Variants in APBB2 observed in about 807,000 individuals in gnomAD.
APBB2 encodes amyloid beta precursor protein binding family B member 2.
Under a neutral mutation model 82.5 loss-of-function variants are expected in APBB2, and 38 were observed. The ratio of observed to expected loss-of-function variants is 0.46; its 90% confidence interval spans 0.36 to 0.60. The LOEUF (loss-of-function observed/expected upper bound fraction) is 0.60. APBB2 is among the 20% of genes least tolerant of loss of function. The probability of loss-of-function intolerance (pLI) is 0.00; values close to 1 mark genes in which losing one functional copy is unlikely to be tolerated. For synonymous variants in APBB2, 341 were observed against 368.2 expected (o/e 0.93, Z 0.85); for missense variants, 772 against 972.3 (o/e 0.79, Z 2.74).
intron 4 of APBB2, among the ~76,000 whole-genome samples, chr4:41,040,199 A>C (rs1720818492): frequency 6.6e-6 from 1 of 152,128 alleles, no homozygotes; most frequent in Non-Finnish European, 1.5e-5. Context: ...TGCTCTCGAA[A>C]ATCTACAGGA....
intron 12 of APBB2, among the ~76,000 whole-genome samples, chr4:40,870,296 AGAGG>A (rs1765127123): frequency 6.6e-6 from 1 of 152,306 alleles, no homozygotes; most frequent in African/African-American, 2.4e-5. Context: ...GGGGCAGCGC[AGAGG>A]GAGGGACAAC....
chr4:41,202,378 T>C (rs6835127), intron 1 of APBB2, among the ~76,000 whole-genome samples: 76,570 of 152,000 alleles, frequency 0.5, 20,289 homozygotes, highest in African/African-American at 0.67. Context: ...CCCAATTAGT[T>C]TGCTTAAAGA....
intron 10 of APBB2, among the ~76,000 whole-genome samples, chr4:40,930,552 G>A (rs569057044): frequency 5.3e-4 from 80 of 151,956 alleles, no homozygotes; most frequent in Admixed American, 1.4e-3. Context: ...AACTGATTAA[G>A]GTGCCCAGAT....
intron 12 of APBB2, among the ~76,000 whole-genome samples, chr4:40,833,089 T>C (rs865812930): frequency 5.3e-5 from 8 of 152,182 alleles, no homozygotes; most frequent in Non-Finnish European, 7.4e-5. Context: ...ACATCCCTTT[T>C]GGAGATCACA....
chr4:41,026,501 G>A (rs747321660), intron 5 of APBB2, among the ~76,000 whole-genome samples: 1 of 152,052 alleles, frequency 6.6e-6, no homozygotes, highest in Admixed American at 6.6e-5. Context: ...CGACCCATTC[G>A]TCCCTCCCTC....
At chr4:40,957,632 G>C (rs921710928) in intron 6 of APBB2, among the ~76,000 whole-genome samples, 1 of 150,706 alleles carries the variant, frequency 6.6e-6, no homozygotes, top group Non-Finnish European at 1.5e-5. Flanking sequence ...TGCCCCGGCT[G>C]GAGTGCAATG....
chr4:40,923,824 C>T (rs953114015), intron 10 of APBB2, among the ~76,000 whole-genome samples: 1 of 152,230 alleles, frequency 6.6e-6, no homozygotes, highest in Non-Finnish European at 1.5e-5. Flanking sequence ...GCCAATTCCT[C>T]GACCGCTCAT....
chr4:40,830,222 A>ATG (rs1751410547), intron 13 of APBB2, among the ~76,000 whole-genome samples: 1 of 151,998 alleles, frequency 6.6e-6, no homozygotes, highest in East Asian at 1.9e-4. Context: ...ATATATATAT[A>ATG]TATATGTTTC....
chr4:41,045,245 C>G (rs1341222879), intron 4 of APBB2, among the ~76,000 whole-genome samples: 1 of 151,706 alleles, frequency 6.6e-6, no homozygotes, highest in East Asian at 1.9e-4. Flanking sequence ...TTGTAATAAT[C>G]TCTTTTAATT....
At chr4:41,085,793 C>T (rs1312899065) in intron 3 of APBB2, among the ~76,000 whole-genome samples, 2 of 150,272 alleles carry the variant, frequency 1.3e-5, no homozygotes, top group African/African-American at 4.9e-5. Context: ...TGCCAAACTA[C>T]AAAAACAAAA....
chr4:40,846,430 A>G (rs1757686092), intron 12 of APBB2, among the ~76,000 whole-genome samples: 1 of 151,618 alleles, frequency 6.6e-6, no homozygotes, highest in Non-Finnish European at 1.5e-5. Flanking sequence ...ACTCAATCCC[A>G]GGTCCCTTTA....
chr4:41,104,209 G>A (rs1352762022), intron 2 of APBB2, among the ~76,000 whole-genome samples: 4 of 152,216 alleles, frequency 2.6e-5, no homozygotes, highest in Non-Finnish European at 5.9e-5. Flanking sequence ...AGAAAAGAGA[G>A]ATTGGTCTTT....
chr4:41,159,218 CT>C (rs1453293925), intron 1 of APBB2, among the ~76,000 whole-genome samples: 3 of 152,184 alleles, frequency 2.0e-5, no homozygotes, highest in Admixed American at 2.0e-4. Flanking sequence ...TTAAATCGAC[CT>C]TTCCCTTTCT....
chr4:40,958,773 T>C (rs992157257), intron 6 of APBB2, among the ~76,000 whole-genome samples: 5 of 152,280 alleles, frequency 3.3e-5, no homozygotes, highest in Non-Finnish European at 5.9e-5. Flanking sequence ...GCCCAGCTGA[T>C]TTTTAAATTT....
chr4:40,850,495 C>T (rs541820273), intron 12 of APBB2, among the ~76,000 whole-genome samples: 1 of 152,314 alleles, frequency 6.6e-6, no homozygotes, highest in East Asian at 1.9e-4. Context: ...GTGACGAAAT[C>T]CCTATTTGAA....
intron 1 of APBB2, among the ~76,000 whole-genome samples, chr4:41,161,189 AAAAAAC>A (rs1304969416): frequency 2.5e-4 from 37 of 150,550 alleles, no homozygotes; most frequent in Admixed American, 3.3e-4. Context: ...AAAAAAAAAA[AAAAAAC>A]GTGGTAAGTT....
chr4:40,995,288 C>G (rs1803327205), intron 6 of APBB2, among the ~76,000 whole-genome samples: 1 of 152,144 alleles, frequency 6.6e-6, no homozygotes. Context: ...ATTCTCATAA[C>G]AAATTAATAG....
At chr4:40,917,251 G>C (rs1167808097) in intron 10 of APBB2, among the ~76,000 whole-genome samples, 1 of 152,134 alleles carries the variant, frequency 6.6e-6, no homozygotes, top group Admixed American at 6.5e-5. Context: ...GTGAACTCCA[G>C]CTCCCCAGCT....
Position 40,907,346 on chromosome 4 carries a change from TACA to T in APBB2, c.1255-13938_1255-13936del, listed in dbSNP as rs1560860430. Reference sequence around the variant, plus strand: ...CTTTATTTAATTTAATTTAATATATTACATATATATATATATATATATATATAT... The same window carrying T: ...CTTTATTTAATTTAATTTAATATATTTATATATATATATATATATATATAT... On this transcript the variant is annotated intron_variant, in intron 10 of 17. Coordinates refer to ENST00000508593, the MANE Select transcript of APBB2 (RefSeq NM_004307.2). Among the ~76,000 whole-genome samples, 34 of 88,800 alleles carry T rather than the reference TACA, an allele frequency of 3.8e-4. 1 individual carries two copies. The highest frequency in any genetic ancestry group is 9.3e-4 in the South Asian group (2 of 2,156). The allele number at this position is 88,800 out of a possible 152,430, so 58.3% of individuals were successfully genotyped here.
Sources: allele counts gnomAD v4.1 joint callset (sites outside exome capture counted in the v4.1 genomes callset), GRCh38; gene constraint gnomAD v4.1.1; transcripts MANE v1.5; gene names NCBI Gene and HGNC (gene_info 2026-07-23, HGNC 2026-07-21).